The following FAM20B variants were observed in gnomAD, a reference collection of about 807,000 sequenced individuals.
FAM20B encodes the protein glycosaminoglycan xylosylkinase.
FAM20B carries 23 observed loss-of-function variants against 43.8 expected under a neutral mutation model. That is an observed-to-expected ratio of 0.53 (90% CI 0.38 to 0.74). The LOEUF (loss-of-function observed/expected upper bound fraction) is 0.74. FAM20B is among the 30% of genes least tolerant of loss of function. The probability of loss-of-function intolerance (pLI) is 0.00; values close to 1 mark genes in which losing one functional copy is unlikely to be tolerated. For synonymous variants in FAM20B, 178 were observed against 192.4 expected (o/e 0.93, Z 0.62); for missense variants, 440 against 510.5 (o/e 0.86, Z 1.33).
Position 179,043,797 on chromosome 1 carries a change from T to C in FAM20B, c.-51T>C. On this transcript the variant is annotated 5_prime_UTR_variant, in exon 2 of 8. Transcript: ENST00000263733. ...CCTTGCTAACCATCACCACCAGCTC[T>C]CCTTAATACATGAGCAAGAGTGGGT... is the stretch of plus-strand genomic sequence containing the variant. 6.6e-7 allele frequency: 1 copy of C among 1,523,638 alleles called. No individual in the cohort carries two copies. Among genetic ancestry groups the C allele is most frequent in the Non-Finnish European group, 8.9e-7 (1 of 1,127,726 alleles). The allele number at this position is 1,523,638 out of a possible 1,614,324, so 94.4% of individuals were successfully genotyped here.
chr1:179,053,279 G>T (rs894900879), intron 3 of FAM20B, among the ~76,000 whole-genome samples: 5 of 152,026 alleles, frequency 3.3e-5, no homozygotes, highest in Non-Finnish European at 7.4e-5. Context: ...TTTTCAATGG[G>T]AAGAAAAAAT....
chr1:179,037,871 G>A (rs1177044473), intron 1 of FAM20B, among the ~76,000 whole-genome samples: 2 of 152,072 alleles, frequency 1.3e-5, no homozygotes, highest in Admixed American at 1.3e-4. Flanking sequence ...GTCTGAGGCC[G>A]CTTCAAAAGG....
the FAM20B span, among the ~76,000 whole-genome samples, chr1:179,019,732 G>A: frequency 8.2e-3 from 1,252 of 152,240 alleles, 19 homozygotes; most frequent in African/African-American, 0.028. Context: ...AAAGTGCCGA[G>A]ATTACAGGTG....
upstream of FAM20B, among the ~76,000 whole-genome samples, chr1:179,024,625 C>T (rs145211067): frequency 1.2e-3 from 190 of 152,336 alleles, no homozygotes; most frequent in Non-Finnish European, 2.3e-3. Context: ...AAAGCTAATA[C>T]AATGCCTTCT....
intron 2 of FAM20B, among the ~76,000 whole-genome samples, chr1:179,045,207 C>T (rs1650711029): frequency 6.6e-6 from 1 of 152,040 alleles, no homozygotes; most frequent in Non-Finnish European, 1.5e-5. Flanking sequence ...AGTTAATTTT[C>T]TAAAAATGTT....
At chr1:179,051,080 C>G (rs1016335438) in intron 3 of FAM20B, among the ~76,000 whole-genome samples, 4 of 150,992 alleles carry the variant, frequency 2.6e-5, no homozygotes, top group African/African-American at 9.8e-5. Context: ...CGAGATCGTG[C>G]CACTGCACTC....
intron 3 of FAM20B, among the ~76,000 whole-genome samples, chr1:179,053,743 A>C (rs564057657): frequency 1.3e-5 from 2 of 152,334 alleles, no homozygotes; most frequent in South Asian, 4.1e-4. Context: ...TACAATGATG[A>C]GTACAAAGCA....
At chr1:179,033,865 T>A (rs931074011) in intron 1 of FAM20B, among the ~76,000 whole-genome samples, 3 of 152,088 alleles carry the variant, frequency 2.0e-5, no homozygotes, top group Non-Finnish European at 2.9e-5. Context: ...GCTAATTTTT[T>A]GTATTTTAGT....
At chr1:179,059,970 T>C (rs1651389827) in intron 4 of FAM20B, among the ~76,000 whole-genome samples, 1 of 137,998 alleles carries the variant, frequency 7.2e-6, no homozygotes, top group Non-Finnish European at 1.6e-5. Flanking sequence ...AGATTATGTC[T>C]CAAAAAAAAA....
At chr1:179,035,318 T>C in intron 1 of FAM20B, 2 of 665,190 alleles carry the variant, frequency 3.0e-6, no homozygotes, top group Non-Finnish European at 5.6e-6. Context: ...TACACGGGCT[T>C]TGGTGGGGGT....
At chr1:179,052,033 A>G (rs12073514) in intron 3 of FAM20B, among the ~76,000 whole-genome samples, 2,126 of 152,324 alleles carry the variant, frequency 0.014, 63 homozygotes, top group African/African-American at 0.048. Context: ...CATAAAAGCA[A>G]TAACTTAAAA....
At position 179,075,797 on chromosome 1, in the gene FAM20B, C is replaced by T. The variant is rs1652106818; in HGVS notation, c.*3653C>T. 6.6e-6 allele frequency: 1 copy of T among 151,930 alleles called. No individual in the cohort carries two copies. The highest frequency in any genetic ancestry group is 6.6e-5 in the Admixed American group (1 of 15,250). 9.4% of individuals were successfully genotyped at this position (151,930 alleles called of 1,614,324 possible). The stretch of plus-strand genomic sequence containing the variant: ...AAAAAAAAAAAATGCTTTTGCCTTC[C>T]CTTCCCTTCCCATCCGCCATATTTC... On this transcript the variant is annotated 3_prime_UTR_variant, in exon 8 of 8. Coordinates refer to ENST00000263733, the MANE Select transcript of FAM20B (RefSeq NM_014864.4).
intron 7 of FAM20B, among the ~76,000 whole-genome samples, chr1:179,070,619 G>A (rs1651884096): frequency 6.8e-6 from 1 of 147,178 alleles, no homozygotes; most frequent in Non-Finnish European, 1.5e-5. Context: ...CCACCTCCCG[G>A]GTTCAAGTGA....
At chr1:179,032,305 G>A (rs7541793) in intron 1 of FAM20B, among the ~76,000 whole-genome samples, 64,313 of 144,126 alleles carry the variant, frequency 0.45, 14,712 homozygotes, top group African/African-American at 0.5. Context: ...ACATGTAGAG[G>A]TCTCATTCTT....
At chr1:179,021,095 A>C (rs1649597322), upstream of FAM20B, among the ~76,000 whole-genome samples, 1 of 152,214 alleles carries the variant, frequency 6.6e-6, no homozygotes, top group Non-Finnish European at 1.5e-5. Flanking sequence ...GCTCCCCTAC[A>C]GCCAGACTGA....
chr1:179,022,927 C>T (rs1165168527), upstream of FAM20B, among the ~76,000 whole-genome samples: 1 of 152,160 alleles, frequency 6.6e-6, no homozygotes, highest in Non-Finnish European at 1.5e-5. Context: ...GCACTGAGAG[C>T]TGTATAACAT....
At position 179,074,072 on chromosome 1, in the gene FAM20B, C is replaced by T. The variant is rs1652041250; in HGVS notation, c.*1928C>T. The T allele has an allele frequency of 6.6e-6, 1 of 152,594 alleles. No homozygotes were observed. The highest frequency in any genetic ancestry group is 2.4e-5 in the African/African-American group (1 of 41,434). 9.5% of individuals were successfully genotyped at this position (152,594 alleles called of 1,614,324 possible). A position where few individuals can be genotyped will look rare whatever the true frequency, so the allele number is the denominator to read the frequency against. On this transcript the variant is annotated 3_prime_UTR_variant, in exon 8 of 8. Coordinates refer to ENST00000263733, the MANE Select transcript of FAM20B (RefSeq NM_014864.4). ...CTCAAAAACAGCTTTAGAATTTATG[C>T]CCAGTTTTCTTGCATTGAAAGATAA...
intron 5 of FAM20B, 56 bp downstream of exon 5, chr1:179,064,154 A>G (rs1651594394): frequency 1.3e-6 from 2 of 1,510,358 alleles, no homozygotes; most frequent in East Asian, 2.3e-5. Flanking sequence ...CCAGGTGCCA[A>G]CTCTGTAAAG....
intron 1 of FAM20B, among the ~76,000 whole-genome samples, chr1:179,029,655 C>T (rs1325321282): frequency 1.3e-5 from 2 of 151,960 alleles, no homozygotes; most frequent in African/African-American, 2.4e-5. Flanking sequence ...AACTTGGGCA[C>T]GTTATAAAGG....
Sources: allele counts gnomAD v4.1 joint callset (sites outside exome capture counted in the v4.1 genomes callset), GRCh38; gene constraint gnomAD v4.1.1; transcripts MANE v1.5; gene names NCBI Gene and HGNC (gene_info 2026-07-23, HGNC 2026-07-21).